MAP4K4: variants seen among roughly 807,000 people sequenced by gnomAD.
MAP4K4 encodes the protein mitogen-activated protein kinase kinase kinase kinase 4, also known as HPK/GCK-like kinase HGK.
A neutral mutation model predicts 189.6 loss-of-function variants in MAP4K4; 38 were observed. That is an observed-to-expected ratio of 0.20 (90% CI 0.15 to 0.26). MAP4K4 has a LOEUF of 0.26. Ranked by LOEUF, MAP4K4 falls within the 10% of genes least tolerant of loss-of-function variation. MAP4K4 has a pLI of 1.00. For synonymous variants in MAP4K4, 610 were observed against 624.3 expected, an observed-to-expected ratio of 0.98 and a Z score of 0.34; for missense variants, 1,054 against 1,726.9, an observed-to-expected ratio of 0.61 and a Z score of 6.91.
At chr2:101,824,171 A>C in intron 4 of MAP4K4, 118 bp downstream of exon 4, 1 of 1,046,176 alleles carries the variant, frequency 9.6e-7, no homozygotes, top group Non-Finnish European at 1.3e-6. Context: ...AGGGGCAGTA[A>C]GTAGCTGGCA....
chr2:101,858,793 A>G (rs1021299373), intron 13 of MAP4K4, among the ~76,000 whole-genome samples: 1 of 152,206 alleles, frequency 6.6e-6, no homozygotes, highest in Admixed American at 6.5e-5. Context: ...AATGCATATC[A>G]TCATTTGTTA....
chr2:101,798,191 G>A (rs1179797568), intron 3 of MAP4K4, among the ~76,000 whole-genome samples: 1 of 151,480 alleles, frequency 6.6e-6, no homozygotes, highest in Non-Finnish European at 1.5e-5. Flanking sequence ...GGGATTTACA[G>A]GTATGAGCCA....
intron 5 of MAP4K4, among the ~76,000 whole-genome samples, chr2:101,827,631 G>C (rs2096419420): frequency 6.6e-6 from 1 of 152,170 alleles, no homozygotes; most frequent in Non-Finnish European, 1.5e-5. Flanking sequence ...GAGCAGGTAG[G>C]CCTCAGCCAA....
intron 24 of MAP4K4, among the ~76,000 whole-genome samples, chr2:101,872,373 CTG>C (rs776443463): frequency 2.6e-5 from 4 of 152,138 alleles, no homozygotes; most frequent in African/African-American, 4.8e-5. Flanking sequence ...TGTGGGAAAT[CTG>C]TGTGCTCCTT....
At chr2:101,871,632 C>G in exon 24 of MAP4K4, 1 of 1,536,782 alleles carries the variant, frequency 6.5e-7, no homozygotes, top group Non-Finnish European at 8.7e-7. Context: ...CTCCAGCCAG[C>G]CGACACCCAC....
Position 101,755,929 on chromosome 2 carries a change from C to CTTTTT in MAP4K4, c.124-34766_124-34762dup, listed in dbSNP as rs57392183. Among the ~76,000 whole-genome samples, 350 of 57,854 alleles carry CTTTTT rather than the reference C, an allele frequency of 6.0e-3. 4 individuals carry two copies. The highest frequency in any genetic ancestry group is 8.8e-3 in the Non-Finnish European group (286 of 32,358). 38.0% of individuals were successfully genotyped at this position (57,854 alleles called of 152,430 possible). On this transcript the variant is annotated intron_variant, in intron 2 of 32. Transcript: ENST00000324219. ...TTTATTTATAGTATGAGTTCTTTTT[C>CTTTTT]TTTTTTTTTTTTTTTTTTTTTTTTT...
exon 2 of MAP4K4, chr2:101,698,495 T>C (rs1263705072): frequency 1.2e-6 from 2 of 1,613,918 alleles, no homozygotes; most frequent in Admixed American, 1.7e-5. Flanking sequence ...ATTTTTGAGC[T>C]GGTGGAAGTG....
chr2:101,887,558 T>G (rs937356419), intron 30 of MAP4K4, among the ~76,000 whole-genome samples: 3 of 152,194 alleles, frequency 2.0e-5, no homozygotes, highest in Admixed American at 2.0e-4. Context: ...CATCCAATGT[T>G]TCATGGGCCT....
chr2:101,727,843 C>A (rs1574358306), intron 2 of MAP4K4, among the ~76,000 whole-genome samples: 1 of 152,166 alleles, frequency 6.6e-6, no homozygotes, highest in Non-Finnish European at 1.5e-5. Context: ...GTGGCATGAG[C>A]TTATAGTTCC....
intron 2 of MAP4K4, among the ~76,000 whole-genome samples, chr2:101,783,196 C>G (rs958462930): frequency 7.3e-5 from 10 of 137,440 alleles, no homozygotes; most frequent in Non-Finnish European, 3.0e-5. Flanking sequence ...TCTTTCTAAT[C>G]TGTAAAATCA....
At chr2:101,841,236 C>T (rs1235854485) in intron 10 of MAP4K4, among the ~76,000 whole-genome samples, 1 of 152,136 alleles carries the variant, frequency 6.6e-6, no homozygotes, top group Non-Finnish European at 1.5e-5. Context: ...TACCATTAGC[C>T]TCTTGTCAAT....
At chr2:101,769,838 TCC>T (rs2080459143) in intron 2 of MAP4K4, among the ~76,000 whole-genome samples, 1 of 152,132 alleles carries the variant, frequency 6.6e-6, no homozygotes, top group Admixed American at 6.5e-5. Flanking sequence ...CACCTTGGCC[TCC>T]TAGAGTGCTG....
At chr2:101,715,072 A>G (rs2047688848) in intron 2 of MAP4K4, among the ~76,000 whole-genome samples, 1 of 152,200 alleles carries the variant, frequency 6.6e-6, no homozygotes, top group African/African-American at 2.4e-5. Flanking sequence ...GGGCTTCAGT[A>G]ATATAAGTCA....
At chr2:101,839,568 T>A (rs1031541145) in intron 9 of MAP4K4, among the ~76,000 whole-genome samples, 1 of 152,222 alleles carries the variant, frequency 6.6e-6, no homozygotes, top group Non-Finnish European at 1.5e-5. Context: ...AAATCTGACC[T>A]CCTTGTTAGC....
chr2:101,758,908 C>T (rs542170634), intron 2 of MAP4K4, among the ~76,000 whole-genome samples: 38 of 151,642 alleles, frequency 2.5e-4, no homozygotes, highest in South Asian at 6.3e-4. Flanking sequence ...CTGAGGCAGG[C>T]GGATCACGAG....
At chr2:101,812,579 T>C (rs2095496450) in intron 3 of MAP4K4, among the ~76,000 whole-genome samples, 1 of 152,062 alleles carries the variant, frequency 6.6e-6, no homozygotes, top group African/African-American at 2.4e-5. Context: ...GTGTAGGTAG[T>C]AGACTGCCTT....
rs368024008 is a variant in MAP4K4 at position 101,845,188 on chromosome 2, TAAA to T, written c.1233+886_1233+888del. 3.8e-3 allele frequency among the ~76,000 whole-genome samples: 541 copies of T among 142,636 alleles called. 2 individuals are homozygous for T. Among genetic ancestry groups the T allele is most frequent in the African/African-American group, 0.014 (518 of 38,318 alleles). The allele number at this position is 142,636 out of a possible 152,430, so 93.6% of individuals were successfully genotyped here. A position where few individuals can be genotyped will look rare whatever the true frequency, so the allele number is the denominator to read the frequency against. On this transcript the variant is annotated intron_variant, in intron 12 of 32. Coordinates refer to ENST00000324219, the Ensembl canonical transcript of MAP4K4. ...GTTTAAGCCAAAAAAAAAATAAAAA[TAAA>T]AAAAAAAACCGAACACACACGCACA...
At chr2:101,765,145 A>G (rs1250397521) in intron 2 of MAP4K4, among the ~76,000 whole-genome samples, 3 of 152,194 alleles carry the variant, frequency 2.0e-5, no homozygotes, top group Non-Finnish European at 2.9e-5. Flanking sequence ...TTCTTTAAAA[A>G]GTCAATCCCA....
rs201397754 is a variant in MAP4K4, at chr2:101,836,676, AATT to A, written c.773+708_773+710del. Among the ~76,000 whole-genome samples, 37 of 152,284 alleles carry A rather than the reference AATT, an allele frequency of 2.4e-4. No homozygotes were observed. The East Asian group carries it at 6.2e-3, about 25-fold the overall frequency. ...TAAAATTAATGGAGGCTTTTACTGTAATTATTATTATTTTAAAAATTGAAGTTA... is the reference window on the plus strand; with the variant it reads ...TAAAATTAATGGAGGCTTTTACTGTAATTATTATTTTAAAAATTGAAGTTA... On this transcript the variant is annotated intron_variant, in intron 9 of 32. Transcript: ENST00000324219.
Sources: gnomAD v4.1 joint callset for allele counts (sites outside exome capture counted in the v4.1 genomes callset) on GRCh38, gnomAD v4.1.1 for gene constraint, MANE v1.5 for transcripts, NCBI Gene and HGNC (gene_info 2026-07-23, HGNC 2026-07-21) for gene names.